Variants in UBAP2 observed in about 807,000 individuals in gnomAD.
The protein encoded by UBAP2 is ubiquitin-associated protein 2.
Under a neutral mutation model 139.6 loss-of-function variants are expected in UBAP2, and 75 were observed. The observed-to-expected ratio is 0.54, with a 90% CI of 0.45 to 0.65. UBAP2 has a LOEUF of 0.65. UBAP2 is among the 30% of genes least tolerant of loss of function. The pLI is 0.00. For missense variants in UBAP2, 1,368 were observed against 1,369.6 expected (o/e 1.00, Z 0.02); for synonymous variants, 526 against 526.2 (o/e 1.00, Z 0.01).
chr9:33,996,218 C>T lies in UBAP2; in HGVS notation c.288+5G>A. 1.9e-6 allele frequency: 3 copies of T among 1,597,374 alleles called. No individual in the cohort carries two copies. Among genetic ancestry groups the T allele is most frequent in the Non-Finnish European group, 2.6e-6 (3 of 1,166,168 alleles). On this transcript the variant is annotated splice_donor_5th_base_variant and intron_variant, in intron 4 of 28. Coordinates refer to ENST00000379238, the MANE Select transcript of UBAP2 (RefSeq NM_001370062.2). The stretch of plus-strand genomic sequence containing the variant: ...AAACAATGCAAATCAATTAATAATA[C>T]TTACTGTGTCTGAATTCCCTTCCAG...
chr9:33,941,669 A>C lies in UBAP2; in HGVS notation c.1909T>G (p.Ser637Ala), dbSNP rs748156851. ...PYQSPVSSSESAPGTIMNGHG... is the reference protein window; with the variant it reads ...PYQSPVSSSEAAPGTIMNGHG... ...CTTACCATGATGGTTCCTGGAGCTG[A>C]CTCTGATGAACTCACAGGGCTTTGG... Residue 637 changes from serine to alanine, a missense_variant, in exon 16 of 29, where the codon TCA becomes GCA. By Grantham distance (99) the Ser-to-Ala change is moderately conservative. Coordinates refer to ENST00000379238, the MANE Select transcript of UBAP2 (RefSeq NM_001370062.2). 36 of 1,613,984 alleles carry C rather than the reference A, an allele frequency of 2.2e-5. No individual in the cohort carries two copies. In the South Asian group the frequency reaches 4.0e-4, roughly 18 times the overall value.
chr9:33,923,046 G>A lies in UBAP2; in HGVS notation c.3005-13C>T. The A allele has an allele frequency of 6.2e-7, 1 of 1,614,060 alleles. No homozygotes were observed. The highest frequency in any genetic ancestry group is 8.5e-7 in the Non-Finnish European group (1 of 1,179,960). ...GACACTGATACTCCTAGGAGGAAAA[G>A]CAGTTGTTCCCCACAGCAGTTGTTC... On this transcript the variant is annotated splice_polypyrimidine_tract_variant and intron_variant, in intron 26 of 28. Transcript: ENST00000379238.
chr9:34,032,779 C>A (rs919286316), intron 1 of UBAP2, among the ~76,000 whole-genome samples: 1 of 152,070 alleles, frequency 6.6e-6, no homozygotes, highest in African/African-American at 2.4e-5. Context: ...CAAAAATTAG[C>A]TGGGCGTGGT....
At chr9:34,047,750 T>C (rs1257725810) in intron 1 of UBAP2, among the ~76,000 whole-genome samples, 1 of 152,142 alleles carries the variant, frequency 6.6e-6, no homozygotes, top group African/African-American at 2.4e-5. Context: ...GAGGCTGAGG[T>C]GAAAGAATCG....
At position 33,933,494 on chromosome 9, in the gene UBAP2, T is replaced by A; in HGVS notation, c.2104A>T (p.Ser702Cys). 1 of 1,613,756 alleles carries A rather than the reference T, an allele frequency of 6.2e-7. No homozygotes were observed. Among genetic ancestry groups the A allele is most frequent in the Non-Finnish European group, 8.5e-7 (1 of 1,179,946 alleles). The change falls in exon 18 of 29, where the codon AGC becomes TGC. Residue 702 changes from serine to cysteine, a missense_variant. Transcript: ENST00000379238. The stretch of plus-strand genomic sequence containing the variant: ...GGGCCCACACCTTCCCCATACCTGC[T>A]AAGCTGAGAGAGAGGGCTGCTAGTC... ...DLTSSPLSQLSSSLSSHQSSL... is the reference protein window; with the variant it reads ...DLTSSPLSQLCSSLSSHQSSL...
At chr9:34,024,754 C>T (rs928634443) in intron 1 of UBAP2, among the ~76,000 whole-genome samples, 2 of 152,092 alleles carry the variant, frequency 1.3e-5, no homozygotes, top group Non-Finnish European at 2.9e-5. Context: ...GAGGCTGAGG[C>T]GGGTGGATCA....
At chr9:33,981,353 C>T (rs940785856) in intron 6 of UBAP2, among the ~76,000 whole-genome samples, 8 of 143,504 alleles carry the variant, frequency 5.6e-5, no homozygotes, top group African/African-American at 1.8e-4. Flanking sequence ...GGGAAAGATA[C>T]GATAGTAAAT....
chr9:33,981,764 TAGGTAGGTAGGA>T (rs1564045045), intron 6 of UBAP2, among the ~76,000 whole-genome samples: 1 of 129,410 alleles, frequency 7.7e-6, no homozygotes, highest in Non-Finnish European at 1.6e-5. Context: ...GGAAGGTAGG[TAGGTAGGTAGGA>T]AGGTAGGAAG....
chr9:34,031,259 A>C (rs1254868029), intron 1 of UBAP2, among the ~76,000 whole-genome samples: 1 of 151,394 alleles, frequency 6.6e-6, no homozygotes, highest in Non-Finnish European at 1.5e-5. Context: ...CCTGTGCTAC[A>C]AGAGCAAAAC....
At chr9:34,004,491 GA>G (rs891526445) in intron 2 of UBAP2, among the ~76,000 whole-genome samples, 1 of 148,668 alleles carries the variant, frequency 6.7e-6, no homozygotes, top group Admixed American at 6.7e-5. Flanking sequence ...ACAAAAAAAG[GA>G]AAAAAAAAGG....
At chr9:33,975,257 C>T (rs543236592) in intron 6 of UBAP2, among the ~76,000 whole-genome samples, 64 of 148,890 alleles carry the variant, frequency 4.3e-4, no homozygotes, top group Admixed American at 1.2e-3. Flanking sequence ...TGGTGAAACC[C>T]CGTCTTTATT....
chr9:34,043,199 A>C (rs922356667), intron 1 of UBAP2, among the ~76,000 whole-genome samples: 6 of 152,102 alleles, frequency 3.9e-5, no homozygotes, highest in Non-Finnish European at 5.9e-5. Context: ...TTCTTCTGAG[A>C]CAGGGTCTGT....
intron 7 of UBAP2, among the ~76,000 whole-genome samples, chr9:33,972,525 G>C (rs1827990895): frequency 6.6e-6 from 1 of 152,192 alleles, no homozygotes; most frequent in African/African-American, 2.4e-5. Context: ...GTTAGAGAGA[G>C]ACAAAGGGCT....
chr9:33,938,822 T>C (rs572559351), intron 16 of UBAP2: 4 of 411,848 alleles, frequency 9.7e-6, no homozygotes, highest in Admixed American at 6.7e-5. Flanking sequence ...AAGCTTGTCA[T>C]TGAAATTTCC....
intron 10 of UBAP2, among the ~76,000 whole-genome samples, chr9:33,959,222 CAAACACCACTTA>C (rs1249600719): frequency 6.6e-6 from 1 of 151,962 alleles, no homozygotes; most frequent in East Asian, 1.9e-4. Context: ...GTGGGTTGTT[CAAACACCACTTA>C]AAACCCAAAT....
chr9:33,937,632 G>A (rs1824680023), intron 16 of UBAP2, among the ~76,000 whole-genome samples: 1 of 149,430 alleles, frequency 6.7e-6, no homozygotes, highest in Admixed American at 6.7e-5. Context: ...ATTAAGCTGG[G>A]CACAATGGCT....
chr9:33,923,584 A>C (rs1026083707), intron 24 of UBAP2, 106 bp from the exon 25 acceptor site: 2 of 1,198,672 alleles, frequency 1.7e-6, no homozygotes, highest in African/African-American at 3.0e-5. Context: ...CCACAACCAC[A>C]GGGGACCTGT....
At chr9:33,980,544 G>A (rs1253735573) in intron 6 of UBAP2, among the ~76,000 whole-genome samples, 6 of 151,676 alleles carry the variant, frequency 4.0e-5, no homozygotes, top group South Asian at 2.1e-4. Context: ...CCCGGCGAGC[G>A]TCATTTCTAA....
At chr9:34,005,516 T>G (rs895757840) in intron 2 of UBAP2, among the ~76,000 whole-genome samples, 1 of 150,992 alleles carries the variant, frequency 6.6e-6, no homozygotes, top group Non-Finnish European at 1.5e-5. Flanking sequence ...AATTACAGAA[T>G]TCAAGAAATA....
Sources: gnomAD v4.1 joint callset for allele counts (sites outside exome capture counted in the v4.1 genomes callset) on GRCh38, gnomAD v4.1.1 for gene constraint, MANE v1.5 for transcripts, NCBI Gene and HGNC (gene_info 2026-07-23, HGNC 2026-07-21) for gene names.